The following PHAX variants were observed in gnomAD, a reference collection of about 807,000 sequenced individuals.
The protein encoded by PHAX is phosphorylated adaptor for RNA export, also known as phosphorylated adapter RNA export protein.
PHAX carries 31 observed loss-of-function variants against 41.6 expected under a neutral mutation model. The observed-to-expected ratio is 0.75, with a 90% confidence interval of 0.56 to 1.01. The LOEUF (loss-of-function observed/expected upper bound fraction) is 1.01. Among genes scored for constraint, PHAX ranks in the 50% least tolerant of loss-of-function variants. The probability of loss-of-function intolerance (pLI) is 0.00; values close to 1 mark genes in which losing one functional copy is unlikely to be tolerated. For synonymous variants in PHAX, 175 were observed against 164.9 expected (o/e 1.06, Z -0.47); for missense variants, 453 against 472.9 (o/e 0.96, Z 0.39).
intron 4 of PHAX, among the ~76,000 whole-genome samples, chr5:126,618,241 A>G (rs1163491919): frequency 2.0e-5 from 3 of 152,090 alleles, no homozygotes; most frequent in Non-Finnish European, 4.4e-5. Flanking sequence ...CGCCTGGCCT[A>G]TACAGTCTTT....
At chr5:126,604,422 G>A (rs148857013) in intron 2 of PHAX, among the ~76,000 whole-genome samples, 7 of 151,260 alleles carry the variant, frequency 4.6e-5, no homozygotes, top group East Asian at 3.9e-4. Context: ...GCACCCCCAC[G>A]CCCAGCTATT....
intron 2 of PHAX, among the ~76,000 whole-genome samples, chr5:126,607,622 C>G (rs1410584142): frequency 2.0e-5 from 3 of 151,930 alleles, no homozygotes; most frequent in Non-Finnish European, 4.4e-5. Context: ...AGACTGGTCT[C>G]GAACTCCCAA....
At chr5:126,607,805 A>G (rs1403285528) in intron 2 of PHAX, among the ~76,000 whole-genome samples, 2 of 152,176 alleles carry the variant, frequency 1.3e-5, no homozygotes, top group Non-Finnish European at 1.5e-5. Flanking sequence ...GATAGTACCT[A>G]TCTTGTACAT....
chr5:126,622,609 A>T (rs997508235), intron 4 of PHAX, among the ~76,000 whole-genome samples: 1 of 151,964 alleles, frequency 6.6e-6, no homozygotes, highest in Admixed American at 6.6e-5. Flanking sequence ...TCTTTTTAAT[A>T]AGGCTTGCCA....
Position 126,625,826 on chromosome 5 carries a change from G to C in PHAX, c.*982G>C, listed in dbSNP as rs959183098. On this transcript the variant is annotated 3_prime_UTR_variant, in exon 5 of 5. Coordinates refer to ENST00000297540, the MANE Select transcript of PHAX (RefSeq NM_032177.4). ...AAGCGATCATGTGCCTAAGCCTCCTGAGTAGCTGGGATCACAGGTGTGTAC... is the reference window on the plus strand; with the variant it reads ...AAGCGATCATGTGCCTAAGCCTCCTCAGTAGCTGGGATCACAGGTGTGTAC... The C allele has an allele frequency of 3.3e-5, 5 of 151,836 alleles. No homozygotes were observed. The highest frequency in any genetic ancestry group is 5.9e-5 in the Non-Finnish European group (4 of 67,992). 9.4% of individuals were successfully genotyped at this position (151,836 alleles called of 1,614,324 possible). A position where few individuals can be genotyped will look rare whatever the true frequency, so the allele number is the denominator to read the frequency against.
Position 126,624,648 on chromosome 5 carries a change from T to TG in PHAX, c.993dup (p.Lys332GlufsTer8), listed in dbSNP as rs1394920963. On this transcript the variant is annotated frameshift_variant, in exon 5 of 5. Coordinates refer to ENST00000297540, the MANE Select transcript of PHAX (RefSeq NM_032177.4). LOFTEE classifies it high-confidence loss of function. Reference sequence around the variant, plus strand: ...GCTAGGAAGAGGAGAACACAAGTGTTGGGGAAAAAGATGAAACAAGCTATT... The same window carrying TG: ...GCTAGGAAGAGGAGAACACAAGTGTTGGGGGAAAAAGATGAAACAAGCTATT... 6.2e-7 allele frequency: 1 copy of TG among 1,613,686 alleles called. No homozygotes were observed. The highest frequency in any genetic ancestry group is 1.1e-5 in the South Asian group (1 of 91,038).
intron 3 of PHAX, among the ~76,000 whole-genome samples, chr5:126,609,588 A>T (rs1025460953): frequency 2.6e-5 from 4 of 152,108 alleles, no homozygotes; most frequent in African/African-American, 9.7e-5. Context: ...GATTAGTCCT[A>T]CATTTTAAGG....
At chr5:126,615,336 G>T (rs1752167259) in intron 3 of PHAX, among the ~76,000 whole-genome samples, 1 of 151,968 alleles carries the variant, frequency 6.6e-6, no homozygotes, top group Non-Finnish European at 1.5e-5. Context: ...AATACTAGTG[G>T]TGGTTTCACA....
intron 3 of PHAX, among the ~76,000 whole-genome samples, chr5:126,611,482 A>G (rs867946526): frequency 6.6e-6 from 1 of 152,186 alleles, no homozygotes; most frequent in African/African-American, 2.4e-5. Flanking sequence ...AACAATAAAT[A>G]TAACTTCAAG....
At chr5:126,620,771 A>G (rs6889541) in intron 4 of PHAX, among the ~76,000 whole-genome samples, 41,218 of 151,852 alleles carry the variant, frequency 0.27, 7,125 homozygotes, top group African/African-American at 0.48. Context: ...ACAGAGTCTC[A>G]CTCTGTCCCC....
intron 3 of PHAX, among the ~76,000 whole-genome samples, chr5:126,613,150 A>G (rs1280576993): frequency 6.6e-6 from 1 of 152,154 alleles, no homozygotes; most frequent in Non-Finnish European, 1.5e-5. Flanking sequence ...GGCGTTCGAG[A>G]CCAGCCTGTC....
Position 126,617,254 on chromosome 5 carries a change from G to A in PHAX, c.836G>A (p.Gly279Asp). ...EQNGGLFIMN[G>D]SRRRTPGGVF... ...CTTTTCTGTTCCTTTTTGTAGAATGGTAGTCGAAGAAGAACACCAGGTGGA... is the reference window on the plus strand; with the variant it reads ...CTTTTCTGTTCCTTTTTGTAGAATGATAGTCGAAGAAGAACACCAGGTGGA... The change falls in exon 4 of 5, where the codon GGT becomes GAT. Residue 279 changes from glycine (G) to aspartate (D), a missense_variant. By Grantham distance (94) the Gly-to-Asp change is moderately conservative (BLOSUM62 -1). Coordinates refer to ENST00000297540, the MANE Select transcript of PHAX (RefSeq NM_032177.4). 3.7e-6 allele frequency: 6 copies of A among 1,604,772 alleles called. No individual in the cohort carries two copies. The highest frequency in any genetic ancestry group is 4.3e-6 in the Non-Finnish European group (5 of 1,172,632).
At chr5:126,601,633 G>A (rs1469657788) in intron 1 of PHAX, among the ~76,000 whole-genome samples, 1 of 152,102 alleles carries the variant, frequency 6.6e-6, no homozygotes, top group African/African-American at 2.4e-5. Context: ...TTTGTCATGC[G>A]GTACCATGGC....
In PHAX at chr5:126,626,391, CA is replaced by C. The variant is rs1752352115; in HGVS notation, c.*1551del. On this transcript the variant is annotated 3_prime_UTR_variant, in exon 5 of 5. Transcript: ENST00000297540. The stretch of plus-strand genomic sequence containing the variant: ...GGTAGATCATTTGAGGTCAGGAGTT[CA>C]AAACCAACCTGGTCTACATGGTGAA... The C allele has an allele frequency of 6.6e-6, 1 of 151,966 alleles. No individual in the cohort carries two copies. The highest frequency in any genetic ancestry group is 2.1e-4 in the South Asian group (1 of 4,816). The allele number at this position is 151,966 out of a possible 1,614,324, so 9.4% of individuals were successfully genotyped here.
In PHAX at chr5:126,624,768, A is replaced by C; in HGVS notation, c.1109A>C (p.Glu370Ala). 1 of 1,614,086 alleles carries C rather than the reference A, an allele frequency of 6.2e-7. No homozygotes were observed. The highest frequency in any genetic ancestry group is 8.5e-7 in the Non-Finnish European group (1 of 1,180,016). Reference protein sequence around the residue: ...EALASLDESQEGHAEAKLEAE... With the variant: ...EALASLDESQAGHAEAKLEAE... The stretch of plus-strand genomic sequence containing the variant: ...TTGGCCTCTCTTGATGAGTCACAGG[A>C]AGGACATGCAGAAGCCAAGTTGGAG... The change falls in exon 5 of 5, where the codon GAA becomes GCA. Residue 370 changes from glutamate (E) to alanine (A), a missense_variant. Transcript: ENST00000297540.
intron 4 of PHAX, among the ~76,000 whole-genome samples, chr5:126,621,652 A>T (rs1301989444): frequency 6.6e-6 from 1 of 152,192 alleles, no homozygotes; most frequent in Non-Finnish European, 1.5e-5. Context: ...TGGGTACATG[A>T]CCTCACAATT....
At chr5:126,620,897 G>T (rs189648260) in intron 4 of PHAX, among the ~76,000 whole-genome samples, 5 of 151,632 alleles carry the variant, frequency 3.3e-5, no homozygotes, top group African/African-American at 1.2e-4. Context: ...CACCACACCC[G>T]GCTAATTTTT....
intron 2 of PHAX, among the ~76,000 whole-genome samples, chr5:126,607,447 G>A (rs1460442210): frequency 1.4e-5 from 2 of 138,012 alleles, no homozygotes; most frequent in Non-Finnish European, 3.0e-5. Context: ...TGCCCAGGCT[G>A]GAGTGCAGTG....
chr5:126,603,536 T>C, intron 1 of PHAX, 34 bp from the exon 2 acceptor site: 1 of 1,565,778 alleles, frequency 6.4e-7, no homozygotes, highest in Non-Finnish European at 8.7e-7. Flanking sequence ...TTTATGTGTT[T>C]TGTGAAATTG....
Sources: allele counts gnomAD v4.1 joint callset (sites outside exome capture counted in the v4.1 genomes callset), GRCh38; gene constraint gnomAD v4.1.1; transcripts MANE v1.5; gene names NCBI Gene and HGNC (gene_info 2026-07-23, HGNC 2026-07-21).